Variants in SYN3 observed in about 807,000 individuals in gnomAD.
The protein encoded by SYN3 is synapsin-3.
A neutral mutation model predicts 65.8 loss-of-function variants in SYN3; 35 were observed. That is an observed-to-expected ratio of 0.53 (90% CI 0.41 to 0.70). The LOEUF (loss-of-function observed/expected upper bound fraction) is 0.70, where lower values mean the gene tolerates loss of function less well. SYN3 is among the 30% of genes least tolerant of loss of function. The probability of loss-of-function intolerance (pLI) is 0.00; values close to 1 mark genes in which losing one functional copy is unlikely to be tolerated. For missense variants in SYN3, 680 were observed against 749.0 expected (o/e 0.91, Z 1.08); for synonymous variants, 270 against 292.9 (o/e 0.92, Z 0.80).
At chr22:32,725,496 T>C (rs1314071070) in intron 6 of SYN3, among the ~76,000 whole-genome samples, 2 of 152,206 alleles carry the variant, frequency 1.3e-5, no homozygotes, top group African/African-American at 2.4e-5. Flanking sequence ...ACTTTGCTGA[T>C]GTGATGAAGT....
rs563680476 is a variant in SYN3 at position 33,002,608 on chromosome 22, C to A, written c.311+3744G>T. On this transcript the variant is annotated intron_variant, in intron 2 of 13. Coordinates refer to ENST00000358763, the MANE Select transcript of SYN3 (RefSeq NM_003490.4). ...GCAGTAAGCTGAGATCGTGCCACTGCACTACAGCCTGGGCAAGAGAGCAAG... is the reference window on the plus strand; with the variant it reads ...GCAGTAAGCTGAGATCGTGCCACTGAACTACAGCCTGGGCAAGAGAGCAAG... Among the ~76,000 whole-genome samples the A allele has an allele frequency of 2.6e-5, 4 of 152,208 alleles. No individual in the cohort carries two copies. The South Asian group carries it at 8.3e-4, about 32-fold the overall frequency.
chr22:32,520,425 C>G (rs535509487), intron 12 of SYN3, among the ~76,000 whole-genome samples: 4 of 152,100 alleles, frequency 2.6e-5, no homozygotes, highest in Non-Finnish European at 5.9e-5. Context: ...GTGTGAGCCA[C>G]TGTGCTTGGC....
intron 4 of SYN3, among the ~76,000 whole-genome samples, chr22:32,873,247 G>A (rs369210453): frequency 1.3e-5 from 2 of 152,162 alleles, no homozygotes; most frequent in African/African-American, 4.8e-5. Context: ...CACCGTGCCC[G>A]GCCAGCATTT....
intron 6 of SYN3, among the ~76,000 whole-genome samples, chr22:32,691,936 G>A (rs2060666445): frequency 1.3e-5 from 2 of 151,920 alleles, no homozygotes; most frequent in African/African-American, 4.8e-5. Context: ...TCCCTGGTAG[G>A]AAATACACTG....
chr22:32,669,973 C>T (rs1304753507), intron 6 of SYN3, among the ~76,000 whole-genome samples: 1 of 152,178 alleles, frequency 6.6e-6, no homozygotes, highest in African/African-American at 2.4e-5. Flanking sequence ...AAGCAACAAG[C>T]TAGAAGGAGC....
chr22:32,543,850 T>C (rs1265115265), intron 7 of SYN3, among the ~76,000 whole-genome samples: 4 of 152,188 alleles, frequency 2.6e-5, no homozygotes, highest in East Asian at 1.9e-4. Flanking sequence ...CATGATGGTA[T>C]GAGCAGCAGC....
chr22:32,949,472 G>A (rs1410122629), intron 3 of SYN3, among the ~76,000 whole-genome samples: 1 of 151,876 alleles, frequency 6.6e-6, no homozygotes, highest in Non-Finnish European at 1.5e-5. Context: ...TTTCGGACTT[G>A]GGATGCTTAA....
At chr22:32,908,701 T>G (rs2146566207) in intron 4 of SYN3, among the ~76,000 whole-genome samples, 1 of 152,086 alleles carries the variant, frequency 6.6e-6, no homozygotes, top group Middle Eastern at 3.4e-3. Context: ...AATGATAGAG[T>G]TAAGTAGCGG....
At chr22:32,569,243 TCTATGC>T (rs1463415282) in intron 7 of SYN3, among the ~76,000 whole-genome samples, 2 of 140,652 alleles carry the variant, frequency 1.4e-5, no homozygotes, top group Admixed American at 7.3e-5. Context: ...TCTATCTATC[TCTATGC>T]ATCCAAAATC....
At chr22:32,732,299 G>A (rs1276979878) in intron 6 of SYN3, among the ~76,000 whole-genome samples, 5 of 152,150 alleles carry the variant, frequency 3.3e-5, no homozygotes, top group Non-Finnish European at 7.4e-5. Context: ...TGAACCAATG[G>A]ATTTAATCAG....
intron 6 of SYN3, among the ~76,000 whole-genome samples, chr22:32,678,805 T>G (rs981151754): frequency 4.6e-5 from 7 of 152,138 alleles, no homozygotes; most frequent in Non-Finnish European, 1.0e-4. Context: ...TCATATTCTT[T>G]GCTGGCTCTT....
chr22:32,596,822 C>T (rs894611273), intron 6 of SYN3, 86 bp from the exon 7 acceptor site: 5 of 1,345,920 alleles, frequency 3.7e-6, no homozygotes, highest in Non-Finnish European at 5.2e-6. Flanking sequence ...TAGAAAGATC[C>T]ATTCATTTCA....
At chr22:33,029,330 A>G (rs1173109628) in intron 1 of SYN3, among the ~76,000 whole-genome samples, 1 of 151,724 alleles carries the variant, frequency 6.6e-6, no homozygotes, top group East Asian at 1.9e-4. Context: ...ACAGGCCACC[A>G]CCTCCAACTT....
At chr22:32,545,184 T>C (rs1173193304) in intron 7 of SYN3, among the ~76,000 whole-genome samples, 1 of 152,126 alleles carries the variant, frequency 6.6e-6, no homozygotes, top group Non-Finnish European at 1.5e-5. Flanking sequence ...ACACCAGGCA[T>C]GGATGATCAG....
intron 6 of SYN3, among the ~76,000 whole-genome samples, chr22:32,647,585 T>C (rs1486499102): frequency 1.3e-5 from 2 of 152,018 alleles, no homozygotes; most frequent in Non-Finnish European, 2.9e-5. Context: ...TAGCTAGGAC[T>C]ACAGATGTGT....
At chr22:32,807,332 T>A (rs1271856652) in intron 6 of SYN3, among the ~76,000 whole-genome samples, 12 of 59,042 alleles carry the variant, frequency 2.0e-4, no homozygotes, top group Admixed American at 1.9e-3. Context: ...AATATATAAT[T>A]TATATATAAT....
At chr22:32,838,755 C>T (rs2047808715) in intron 6 of SYN3, among the ~76,000 whole-genome samples, 1 of 151,978 alleles carries the variant, frequency 6.6e-6, no homozygotes, top group Non-Finnish European at 1.5e-5. Context: ...ACAAAACCAT[C>T]CCCGTCTTCG....
chr22:32,926,306 T>C (rs958743563), intron 4 of SYN3, among the ~76,000 whole-genome samples: 1 of 152,212 alleles, frequency 6.6e-6, no homozygotes, highest in Non-Finnish European at 1.5e-5. Flanking sequence ...GTGTGCAAAA[T>C]GAGGGTGCTA....
At chr22:32,524,880 G>A (rs752849477) in intron 12 of SYN3, among the ~76,000 whole-genome samples, 13 of 152,094 alleles carry the variant, frequency 8.5e-5, no homozygotes, top group East Asian at 1.9e-4. Flanking sequence ...ATGGTGGCGC[G>A]TGCCTGTAAT....
Sources: allele counts gnomAD v4.1 joint callset (sites outside exome capture counted in the v4.1 genomes callset), GRCh38; gene constraint gnomAD v4.1.1; transcripts MANE v1.5; gene names NCBI Gene and HGNC (gene_info 2026-07-23, HGNC 2026-07-21).